The following TNFRSF21 variants were observed in gnomAD, a reference collection of about 807,000 sequenced individuals.
The protein encoded by TNFRSF21 is tumor necrosis factor receptor superfamily member 21.
TNFRSF21 carries 19 observed loss-of-function variants against 45.6 expected under a neutral mutation model. The observed-to-expected ratio is 0.42, with a 90% CI of 0.29 to 0.61. The LOEUF (loss-of-function observed/expected upper bound fraction) is 0.61, where lower values mean the gene tolerates loss of function less well. Among genes scored for constraint, TNFRSF21 ranks in the 20% least tolerant of loss-of-function variants. The pLI, the probability that TNFRSF21 is intolerant of heterozygous loss-of-function variation, is 0.23. For missense variants in TNFRSF21, 737 were observed against 851.5 expected (o/e 0.87, Z 1.67); for synonymous variants, 314 against 335.5 (o/e 0.94, Z 0.70).
At chr6:47,243,965 T>A (rs1764786074) in intron 4 of TNFRSF21, among the ~76,000 whole-genome samples, 1 of 152,214 alleles carries the variant, frequency 6.6e-6, no homozygotes, top group African/African-American at 2.4e-5. Flanking sequence ...GTGTAAGATA[T>A]CTTCCTAGAT....
chr6:47,257,148 A>G (rs1178651505), intron 3 of TNFRSF21, among the ~76,000 whole-genome samples: 1 of 152,194 alleles, frequency 6.6e-6, no homozygotes, highest in Non-Finnish European at 1.5e-5. Context: ...AGAGTTTAAA[A>G]GGTTTAAGTT....
intron 1 of TNFRSF21, among the ~76,000 whole-genome samples, chr6:47,307,932 C>T (rs1174866660): frequency 6.6e-6 from 1 of 152,150 alleles, no homozygotes. Flanking sequence ...TGATAGTTCT[C>T]ACTCCACTGA....
At chr6:47,307,669 T>C (rs1762958815) in intron 1 of TNFRSF21, among the ~76,000 whole-genome samples, 1 of 152,220 alleles carries the variant, frequency 6.6e-6, no homozygotes, top group South Asian at 2.1e-4. Flanking sequence ...CCAGGGTGCC[T>C]AGCCTGATGA....
At chr6:47,238,028 C>T (rs61597905) in intron 4 of TNFRSF21, among the ~76,000 whole-genome samples, 21 of 151,764 alleles carry the variant, frequency 1.4e-4, no homozygotes, top group East Asian at 1.9e-4. Context: ...CCAGCCTGGA[C>T]GACGGAGTGA....
chr6:47,269,421 T>G (rs1165978130), intron 3 of TNFRSF21, among the ~76,000 whole-genome samples: 1 of 152,240 alleles, frequency 6.6e-6, no homozygotes, highest in East Asian at 1.9e-4. Flanking sequence ...ACATCACAAG[T>G]TAAGCAGCTG....
At chr6:47,267,071 C>A (rs1487764605) in intron 3 of TNFRSF21, among the ~76,000 whole-genome samples, 1 of 150,028 alleles carries the variant, frequency 6.7e-6, no homozygotes, top group Non-Finnish European at 1.5e-5. Flanking sequence ...CTACCCATGC[C>A]ACAGTCTGAT....
At chr6:47,270,766 G>C (rs1290940176) in intron 3 of TNFRSF21, among the ~76,000 whole-genome samples, 2 of 151,734 alleles carry the variant, frequency 1.3e-5, no homozygotes, top group Non-Finnish European at 1.5e-5. Context: ...TAAAAACCTT[G>C]AAAAAAAAGT....
At chr6:47,257,466 G>T (rs1424072174) in intron 3 of TNFRSF21, among the ~76,000 whole-genome samples, 1 of 152,136 alleles carries the variant, frequency 6.6e-6, no homozygotes, top group African/African-American at 2.4e-5. Flanking sequence ...CTCCCTCAGG[G>T]GATACCAACC....
At chr6:47,307,499 C>T (rs1335382594) in intron 1 of TNFRSF21, among the ~76,000 whole-genome samples, 1 of 152,158 alleles carries the variant, frequency 6.6e-6, no homozygotes, top group Non-Finnish European at 1.5e-5. Context: ...CCACCTCAGC[C>T]TCCTGAGTTG....
Position 47,256,141 on chromosome 6 carries a change from G to A in TNFRSF21, c.1244-2620C>T, listed in dbSNP as rs187367493. On this transcript the variant is annotated intron_variant, in intron 3 of 5. Transcript: ENST00000296861. Reference sequence around the variant, plus strand: ...AGGCAATCCTATTGAGGCAGATGATGTGGAAGACTGTATACACATTCTGCA... The same window carrying A: ...AGGCAATCCTATTGAGGCAGATGATATGGAAGACTGTATACACATTCTGCA... Among the ~76,000 whole-genome samples, 358 of 152,328 alleles carry A rather than the reference G, an allele frequency of 2.4e-3. 6 individuals are homozygous for A. The highest frequency in any genetic ancestry group is 0.012 in the South Asian group (59 of 4,826).
chr6:47,249,964 G>T (rs115759267), intron 4 of TNFRSF21, among the ~76,000 whole-genome samples: 1 of 151,948 alleles, frequency 6.6e-6, no homozygotes, highest in Non-Finnish European at 1.5e-5. Flanking sequence ...AAAAAAAGAC[G>T]AGAGGACAAA....
chr6:47,280,904 G>A (rs1762557554), intron 3 of TNFRSF21, among the ~76,000 whole-genome samples: 1 of 152,168 alleles, frequency 6.6e-6, no homozygotes, highest in Admixed American at 6.5e-5. Flanking sequence ...TTGTAATAAA[G>A]TGAATAATGA....
intron 1 of TNFRSF21, among the ~76,000 whole-genome samples, chr6:47,307,176 C>A (rs1167035580): frequency 6.6e-6 from 1 of 152,192 alleles, no homozygotes; most frequent in East Asian, 1.9e-4. Flanking sequence ...GGCTGAACCT[C>A]ATGCCATTTC....
chr6:47,268,707 T>C (rs1762371005), intron 3 of TNFRSF21, among the ~76,000 whole-genome samples: 1 of 152,164 alleles, frequency 6.6e-6, no homozygotes, highest in African/African-American at 2.4e-5. Context: ...TCCCCTTCTG[T>C]CTTGATTATC....
intron 5 of TNFRSF21, among the ~76,000 whole-genome samples, chr6:47,234,374 T>G (rs190063440): frequency 4.6e-5 from 7 of 152,330 alleles, no homozygotes; most frequent in Admixed American, 4.6e-4. Flanking sequence ...CCAGACTACA[T>G]TTTATCAGGC....
chr6:47,276,204 A>C (rs775965906), intron 3 of TNFRSF21, among the ~76,000 whole-genome samples: 1 of 152,166 alleles, frequency 6.6e-6, no homozygotes, highest in African/African-American at 2.4e-5. Context: ...TAGCAGGTAC[A>C]TGGCAGGTAC....
At chr6:47,264,389 A>C (rs1468076657) in intron 3 of TNFRSF21, among the ~76,000 whole-genome samples, 1 of 152,114 alleles carries the variant, frequency 6.6e-6, no homozygotes, top group African/African-American at 2.4e-5. Flanking sequence ...TTAGCCAGGC[A>C]TGGTGGTCCC....
At chr6:47,244,714 C>T (rs1189187706) in intron 4 of TNFRSF21, among the ~76,000 whole-genome samples, 2 of 152,158 alleles carry the variant, frequency 1.3e-5, no homozygotes, top group African/African-American at 2.4e-5. Context: ...AAAGTTTCCT[C>T]TGTGGCAATT....
intron 4 of TNFRSF21, among the ~76,000 whole-genome samples, chr6:47,252,415 C>A (rs1183369284): frequency 6.6e-6 from 1 of 152,190 alleles, no homozygotes; most frequent in Non-Finnish European, 1.5e-5. Flanking sequence ...ATATCCAAAT[C>A]TGAACTTTAT....
Sources: gnomAD v4.1 joint callset for allele counts (sites outside exome capture counted in the v4.1 genomes callset) on GRCh38, gnomAD v4.1.1 for gene constraint, MANE v1.5 for transcripts, NCBI Gene and HGNC (gene_info 2026-07-23, HGNC 2026-07-21) for gene names.